The following CELF2 variants were observed in gnomAD, a reference collection of about 807,000 sequenced individuals.
CELF2 encodes the protein CUG triplet repeat RNA-binding protein 2.
A neutral mutation model predicts 62.6 loss-of-function variants in CELF2; 8 were observed. The ratio of observed to expected loss-of-function variants is 0.13; its 90% confidence interval spans 0.07 to 0.23. CELF2 has a LOEUF of 0.23. Ranked by LOEUF, CELF2 falls within the 10% of genes least tolerant of loss-of-function variation. The pLI is 1.00. For missense variants in CELF2, 333 were observed against 671.0 expected (o/e 0.50, Z 5.56); for synonymous variants, 258 against 250.0 (o/e 1.03, Z -0.30).
chr10:10,570,734 T>C, the CELF2 span, among the ~76,000 whole-genome samples: 1 of 152,120 alleles, frequency 6.6e-6, no homozygotes, highest in Non-Finnish European at 1.5e-5. Flanking sequence ...GAAATTTACC[T>C]GGAACATTGA....
chr10:11,037,155 AC>A (rs774709543), intron 1 of CELF2, among the ~76,000 whole-genome samples: 2 of 152,144 alleles, frequency 1.3e-5, no homozygotes, highest in Non-Finnish European at 2.9e-5. Context: ...GGCTGGGGAG[AC>A]CTCACAGTCA....
At chr10:11,189,800 G>A (rs2075866669) in intron 2 of CELF2, among the ~76,000 whole-genome samples, 2 of 152,206 alleles carry the variant, frequency 1.3e-5, no homozygotes, top group South Asian at 4.1e-4. Flanking sequence ...AGGAATTCCA[G>A]CACCAGCGAT....
the CELF2 span, among the ~76,000 whole-genome samples, chr10:10,657,353 G>A: frequency 1.0e-3 from 158 of 151,544 alleles, 1 homozygote; most frequent in Middle Eastern, 6.8e-3. Context: ...TGATGGTTGC[G>A]TAACCTTAAG....
chr10:10,904,964 A>G (rs2063219982), intron 1 of CELF2, among the ~76,000 whole-genome samples: 1 of 152,158 alleles, frequency 6.6e-6, no homozygotes, highest in Admixed American at 6.5e-5. Context: ...ATCCACCCAG[A>G]TTATCATCCT....
chr10:10,772,331 G>C, the CELF2 span, among the ~76,000 whole-genome samples: 3 of 152,122 alleles, frequency 2.0e-5, no homozygotes. Context: ...TCTAAGCCTA[G>C]TTTCAACTGT....
At position 10,997,347 on chromosome 10, in the gene CELF2, A is replaced by T. The variant is rs1045522855; in HGVS notation, c.89+77348A>T. Among the ~76,000 whole-genome samples, 2 of 152,192 alleles carry T rather than the reference A, an allele frequency of 1.3e-5. No homozygotes were observed. Among genetic ancestry groups the T allele is most frequent in the African/African-American group, 4.8e-5 (2 of 41,446 alleles). ...AAAAGAGCTATGGATGTGTTATGAG[A>T]ATTTCAAACTCATCTTTCCTAGACC... is the stretch of plus-strand genomic sequence containing the variant. On this transcript the variant is annotated intron_variant, in intron 2 of 13. Coordinates refer to the CELF2 transcript ENST00000636488. This position sits in a 1 kb window ranked among gnomAD's most constrained non-coding sequence, Gnocchi z 5.3.
At chr10:10,595,826 G>T in the CELF2 span, among the ~76,000 whole-genome samples, 1 of 152,164 alleles carries the variant, frequency 6.6e-6, no homozygotes, top group Non-Finnish European at 1.5e-5. Context: ...AGCCCAGGGG[G>T]TGGAGGTTGC....
the CELF2 span, among the ~76,000 whole-genome samples, chr10:10,771,865 T>G: frequency 1.3e-5 from 2 of 152,204 alleles, no homozygotes; most frequent in Non-Finnish European, 2.9e-5. Context: ...TGTCCCAGTA[T>G]CCTTTCCAGC....
At chr10:10,703,596 C>T in the CELF2 span, among the ~76,000 whole-genome samples, 210 of 152,272 alleles carry the variant, frequency 1.4e-3, no homozygotes, top group African/African-American at 4.8e-3. Context: ...TCTAGAGATG[C>T]GGAATGATGT....
At chr10:11,263,333 T>C (rs2081267114) in intron 5 of CELF2, among the ~76,000 whole-genome samples, 1 of 152,180 alleles carries the variant, frequency 6.6e-6, no homozygotes, top group Non-Finnish European at 1.5e-5. Context: ...TTTTTTTTGC[T>C]GCTATATATG....
In CELF2 at chr10:10,981,561, G is replaced by A. The variant is rs192925449; in HGVS notation, c.89+61562G>A. ...AAAAATATGTACTTAGTGTTCTATC[G>A]TCCATGCATGCTTTATTTCCAATGA... On this transcript the variant is annotated intron_variant, in intron 2 of 13. Coordinates refer to the CELF2 transcript ENST00000636488. Among the ~76,000 whole-genome samples, 388 of 152,192 alleles carry A rather than the reference G, an allele frequency of 2.5e-3. 2 individuals are homozygous for A. Among genetic ancestry groups the A allele is most frequent in the Admixed American group, 5.1e-3 (78 of 15,300 alleles).
the CELF2 span, among the ~76,000 whole-genome samples, chr10:10,769,768 A>AAAT: frequency 1.0e-3 from 159 of 151,794 alleles, 1 homozygote; most frequent in African/African-American, 2.0e-3. Context: ...CAACTCCAAA[A>AAAT]AATAATAATA....
At chr10:11,325,436 A>G (rs532136514) in intron 11 of CELF2, among the ~76,000 whole-genome samples, 88 of 152,370 alleles carry the variant, frequency 5.8e-4, no homozygotes, top group African/African-American at 2.1e-3. Flanking sequence ...TAGAATGCAC[A>G]GAGCACCCTT....
the CELF2 span, among the ~76,000 whole-genome samples, chr10:10,558,096 C>A: frequency 6.6e-6 from 1 of 151,354 alleles, no homozygotes; most frequent in Non-Finnish European, 1.5e-5. Context: ...TGAGAGAGGG[C>A]ATCCCTGTCT....
At chr10:10,659,131 C>T in the CELF2 span, among the ~76,000 whole-genome samples, 2 of 152,160 alleles carry the variant, frequency 1.3e-5, no homozygotes, top group African/African-American at 2.4e-5. Context: ...TTATTTAATA[C>T]TAGCTACCTC....
the CELF2 span, among the ~76,000 whole-genome samples, chr10:10,733,619 G>T: frequency 6.6e-6 from 1 of 151,894 alleles, no homozygotes; most frequent in African/African-American, 2.4e-5. Context: ...GCTTGGGGGG[G>T]CCTCACAATC....
At position 11,255,968 on chromosome 10, in the gene CELF2, G is replaced by GAGGAC. The variant is rs1264232500; in HGVS notation, c.404-1769_404-1765dup. On this transcript the variant is annotated intron_variant, in intron 4 of 12. Coordinates refer to ENST00000633077, the MANE Select transcript of CELF2 (RefSeq NM_001326342.2). This position sits in a 1 kb window ranked among gnomAD's most constrained non-coding sequence, Gnocchi z 5.5. Reference sequence around the variant, plus strand: ...AGGGGAAGGAATCCTTGGCTGGGAGGAGGACTCCAGGCTGTGGGCCAGGCT... The same window carrying GAGGAC: ...AGGGGAAGGAATCCTTGGCTGGGAGGAGGACAGGACTCCAGGCTGTGGGCCAGGCT... Among the ~76,000 whole-genome samples the GAGGAC allele has an allele frequency of 6.6e-6, 1 of 152,138 alleles. No homozygotes were observed. Among genetic ancestry groups the GAGGAC allele is most frequent in the African/African-American group, 2.4e-5 (1 of 41,414 alleles).
chr10:10,846,102 T>G, intron 1 of CELF2: 1 of 985,070 alleles, frequency 1.0e-6, no homozygotes, highest in Non-Finnish European at 1.2e-6. Context: ...GCTCCCAGAG[T>G]TCAAGCAGGA....
chr10:10,807,719 A>G, intron 1 of CELF2, among the ~76,000 whole-genome samples: 1 of 152,240 alleles, frequency 6.6e-6, no homozygotes, highest in East Asian at 1.9e-4. Context: ...AGAGCCAGCA[A>G]TATTCCAAAC....
Sources: allele counts gnomAD v4.1 joint callset (sites outside exome capture counted in the v4.1 genomes callset), GRCh38; gene constraint gnomAD v4.1.1; non-coding constraint Gnocchi (gnomAD v3.1); transcripts MANE v1.5; gene names NCBI Gene and HGNC (gene_info 2026-07-23, HGNC 2026-07-21).